FAM98B: variants seen among roughly 807,000 people sequenced by gnomAD.
The protein encoded by FAM98B is tRNA splicing ligase complex subunit 3B.
Under a neutral mutation model 43.9 loss-of-function variants are expected in FAM98B, and 32 were observed. The ratio of observed to expected loss-of-function variants is 0.73; its 90% CI spans 0.55 to 0.98. The LOEUF is 0.98. Ranked by LOEUF, FAM98B falls within the 50% of genes least tolerant of loss-of-function variation. The probability of loss-of-function intolerance (pLI) is 0.00; values close to 1 mark genes in which losing one functional copy is unlikely to be tolerated. For missense variants in FAM98B, 514 were observed against 522.9 expected (o/e 0.98, Z 0.17); for synonymous variants, 190 against 174.0 (o/e 1.09, Z -0.72).
chr15:38,460,296 T>C (rs969228671), intron 1 of FAM98B, among the ~76,000 whole-genome samples: 2 of 152,170 alleles, frequency 1.3e-5, no homozygotes, highest in African/African-American at 4.8e-5. Context: ...CAGTATGAAA[T>C]AAATGTGGTA....
intron 1 of FAM98B, 118 bp downstream of exon 1, chr15:38,454,350 C>G: frequency 1.0e-6 from 1 of 1,000,034 alleles, no homozygotes; most frequent in Non-Finnish European, 1.5e-6. Flanking sequence ...GCCTCCTTCC[C>G]TGCCTCGATC....
chr15:38,456,766 C>G (rs763334470), intron 1 of FAM98B, among the ~76,000 whole-genome samples: 8 of 152,212 alleles, frequency 5.3e-5, no homozygotes, highest in East Asian at 3.9e-4. Context: ...CAAAGATATC[C>G]TTACAGTGAG....
Position 38,454,190 on chromosome 15 carries a change from C to A in FAM98B, c.29C>A (p.Pro10Gln). 6.2e-7 allele frequency: 1 copy of A among 1,603,638 alleles called. No homozygotes were observed. The change falls in exon 1 of 8, where the codon CCG (proline) becomes CAG (glutamine). Residue 10 changes from proline (P) to glutamine (Q), a missense_variant. By Grantham distance (76) the Pro-to-Gln change is moderately conservative. Coordinates refer to ENST00000397609, the MANE Select transcript of FAM98B (RefSeq NM_173611.4). The part of the protein sequence containing the change: MRGPEPGPQ[P>Q]TMEGDVLDTL... ...AGAGGGCCGGAGCCGGGTCCCCAAC[C>A]GACGATGGAGGGAGACGTGCTGGAC...
chr15:38,467,731 A>C (rs1890059843), intron 3 of FAM98B, among the ~76,000 whole-genome samples: 1 of 152,216 alleles, frequency 6.6e-6, no homozygotes, highest in South Asian at 2.1e-4. Context: ...CATTGTAGTA[A>C]TAAAAAGACC....
chr15:38,467,675 A>T (rs535148853), intron 3 of FAM98B, among the ~76,000 whole-genome samples: 2 of 152,154 alleles, frequency 1.3e-5, no homozygotes, highest in African/African-American at 4.8e-5. Context: ...ATATATATCT[A>T]TTTCCCCAAG....
chr15:38,457,072 A>G (rs1182994798), intron 1 of FAM98B, among the ~76,000 whole-genome samples: 1 of 152,260 alleles, frequency 6.6e-6, no homozygotes, highest in Non-Finnish European at 1.5e-5. Context: ...GAATTTAGTT[A>G]ATAGTCTGTG....
intron 4 of FAM98B, among the ~76,000 whole-genome samples, chr15:38,473,144 G>GT (rs1890150827): frequency 6.6e-6 from 1 of 152,174 alleles, no homozygotes; most frequent in East Asian, 1.9e-4. Flanking sequence ...CTGGTTAAAG[G>GT]TTTTAGTATC....
intron 2 of FAM98B, 88 bp from the exon 3 acceptor site, chr15:38,465,181 G>A (rs778200849): frequency 7.6e-7 from 1 of 1,316,482 alleles, no homozygotes; most frequent in Non-Finnish European, 1.0e-6. Flanking sequence ...AGAATTGAAT[G>A]TAAAATGGAA....
chr15:38,480,480 G>A (rs1204754900), intron 6 of FAM98B, among the ~76,000 whole-genome samples: 4 of 152,072 alleles, frequency 2.6e-5, no homozygotes. Context: ...ATCTATACTA[G>A]ACCTGTGCTT....
At chr15:38,481,551 G>T in intron 7 of FAM98B, 92 bp downstream of exon 7, 1 of 1,613,016 alleles carries the variant, frequency 6.2e-7, no homozygotes, top group Non-Finnish European at 8.5e-7. Flanking sequence ...TTCATGTCCT[G>T]GTAAATGTTT....
chr15:38,459,014 A>C, intron 1 of FAM98B: 1 of 336,768 alleles, frequency 3.0e-6, no homozygotes, highest in Non-Finnish European at 6.0e-6. Flanking sequence ...TGAGCCCGGA[A>C]CACCCCACAC....
At chr15:38,465,449 T>C (rs929516659) in intron 3 of FAM98B, 46 bp downstream of exon 3, 1 of 1,498,460 alleles carries the variant, frequency 6.7e-7, no homozygotes, top group African/African-American at 1.4e-5. Flanking sequence ...ACATGGTTTT[T>C]ATTATTTTCA....
At chr15:38,467,797 A>G (rs1890061167) in intron 3 of FAM98B, among the ~76,000 whole-genome samples, 1 of 152,234 alleles carries the variant, frequency 6.6e-6, no homozygotes, top group African/African-American at 2.4e-5. Context: ...TAATGCAGTG[A>G]TGTCACTAGA....
At chr15:38,468,072 C>A (rs565011128) in intron 3 of FAM98B, among the ~76,000 whole-genome samples, 12 of 152,268 alleles carry the variant, frequency 7.9e-5, no homozygotes, top group African/African-American at 2.6e-4. Flanking sequence ...TTAATTTTCC[C>A]TCTACTGCTT....
At chr15:38,470,750 G>T (rs1890118574) in intron 4 of FAM98B, 1 of 163,484 alleles carries the variant, frequency 6.1e-6, no homozygotes, top group Non-Finnish European at 1.3e-5. Context: ...CCTACAAAGT[G>T]AAAGGAAACT....
intron 7 of FAM98B, chr15:38,483,064 C>T (rs148032711): frequency 3.0e-4 from 45 of 152,230 alleles, no homozygotes; most frequent in African/African-American, 9.6e-4. Context: ...CAATCTCTGA[C>T]CTCATTAAGG....
chr15:38,476,970 G>A (rs1166263406), intron 6 of FAM98B, among the ~76,000 whole-genome samples: 6 of 151,870 alleles, frequency 4.0e-5, no homozygotes, highest in Admixed American at 2.6e-4. Context: ...CAGCTTGGGC[G>A]ACAGAGCAAG....
chr15:38,466,983 GT>G (rs1439130051), intron 3 of FAM98B, among the ~76,000 whole-genome samples: 1 of 151,716 alleles, frequency 6.6e-6, no homozygotes, highest in African/African-American at 2.4e-5. Flanking sequence ...CCTATCACTT[GT>G]TTTTTGAAAA....
At chr15:38,468,111 G>GCTAA (rs575276225) in intron 3 of FAM98B, among the ~76,000 whole-genome samples, 146 of 152,318 alleles carry the variant, frequency 9.6e-4, no homozygotes, top group Non-Finnish European at 1.2e-3. Context: ...CATCGTAAAT[G>GCTAA]CTAAACCCTT....
Sources: gnomAD v4.1 joint callset for allele counts (sites outside exome capture counted in the v4.1 genomes callset) on GRCh38, gnomAD v4.1.1 for gene constraint, MANE v1.5 for transcripts, NCBI Gene and HGNC (gene_info 2026-07-23, HGNC 2026-07-21) for gene names.